ANO3: variants seen among roughly 807,000 people sequenced by gnomAD.
The protein encoded by ANO3 is anoctamin 3.
A neutral mutation model predicts 144.8 loss-of-function variants in ANO3; 99 were observed. The observed-to-expected ratio is 0.68, with a 90% CI of 0.58 to 0.81. The LOEUF is 0.81. Ranked by LOEUF, ANO3 falls within the 30% of genes least tolerant of loss-of-function variation. ANO3 has a pLI of 0.00. For missense variants in ANO3, 905 were observed against 1,202.2 expected, an observed-to-expected ratio of 0.75 and a Z score of 3.66; for synonymous variants, 414 against 392.6, an observed-to-expected ratio of 1.05 and a Z score of -0.64.
intron 1 of ANO3, among the ~76,000 whole-genome samples, chr11:26,386,495 A>T (rs1193627231): frequency 6.6e-6 from 1 of 152,170 alleles, no homozygotes; most frequent in Non-Finnish European, 1.5e-5. Context: ...ACCAAATGAA[A>T]AGATGGTGGT....
At chr11:26,363,418 G>A (rs1258371998) in intron 1 of ANO3, among the ~76,000 whole-genome samples, 1 of 152,034 alleles carries the variant, frequency 6.6e-6, no homozygotes, top group African/African-American at 2.4e-5. Flanking sequence ...TGGTTTCTCT[G>A]GGGGCCTCTC....
chr11:26,260,441 T>C (rs552677845), intron 1 of ANO3, among the ~76,000 whole-genome samples: 2 of 152,306 alleles, frequency 1.3e-5, no homozygotes, highest in African/African-American at 4.8e-5. Flanking sequence ...AAGTATTAGA[T>C]CACTTGACTA....
At chr11:26,595,467 T>G (rs1049987101) in intron 14 of ANO3, among the ~76,000 whole-genome samples, 5 of 144,344 alleles carry the variant, frequency 3.5e-5, no homozygotes, top group East Asian at 2.0e-4. Flanking sequence ...GTTGTTTTTT[T>G]TTTTTTTTTT....
rs1161758979 is a variant in ANO3, at chr11:26,598,867, C to T, written c.1540C>T (p.Arg514Cys). 8 of 1,612,660 alleles carry T rather than the reference C, an allele frequency of 5.0e-6. No individual in the cohort carries two copies. The highest frequency in any genetic ancestry group is 1.3e-5 in the African/African-American group (1 of 74,844). ...IEWEEEEETL[R>C]PQFEAKYYKM... is the part of the protein sequence containing the mutation. ...TTCGTTTCTCTCATAGGAAACACTT[C>T]GTCCCCAGTTTGAAGCCAAGTATTA... is the stretch of plus-strand genomic sequence containing the variant. The change falls in exon 16 of 27, where the codon CGT (arginine) becomes TGT (cysteine). Residue 514 changes from arginine to cysteine, a missense_variant. By Grantham distance (180) the Arg-to-Cys change is radical. Transcript: ENST00000256737.
At chr11:26,277,580 AT>A (rs1048588118) in intron 1 of ANO3, among the ~76,000 whole-genome samples, 15 of 152,142 alleles carry the variant, frequency 9.9e-5, no homozygotes, top group African/African-American at 3.4e-4. Flanking sequence ...TTCTAGCCAA[AT>A]TGAACTGCGC....
At chr11:26,457,050 G>A (rs1859189525) in intron 3 of ANO3, among the ~76,000 whole-genome samples, 1 of 136,236 alleles carries the variant, frequency 7.3e-6, no homozygotes, top group Non-Finnish European at 1.5e-5. Context: ...ACAGGAAGGG[G>A]AACATCACAC....
chr11:26,303,025 T>TA (rs1412925005), intron 1 of ANO3, among the ~76,000 whole-genome samples: 1 of 152,106 alleles, frequency 6.6e-6, no homozygotes, highest in Non-Finnish European at 1.5e-5. Context: ...TGGTTATAAT[T>TA]AAAAAGTAAA....
chr11:26,628,041 C>T (rs1474887907), intron 18 of ANO3, among the ~76,000 whole-genome samples: 2 of 151,926 alleles, frequency 1.3e-5, no homozygotes, highest in Non-Finnish European at 2.9e-5. Flanking sequence ...AGAGATAAAG[C>T]TTAAATTCTA....
At chr11:26,531,669 C>T (rs1037481091) in intron 8 of ANO3, among the ~76,000 whole-genome samples, 2 of 151,828 alleles carry the variant, frequency 1.3e-5, no homozygotes. Flanking sequence ...TGTTAATTAG[C>T]ATGTTTGAGT....
intron 1 of ANO3, among the ~76,000 whole-genome samples, chr11:26,413,089 G>C (rs1005703005): frequency 1.3e-5 from 2 of 151,866 alleles, no homozygotes; most frequent in African/African-American, 4.8e-5. Context: ...GGAATGGCAA[G>C]AATATTCTTA....
intron 17 of ANO3, among the ~76,000 whole-genome samples, chr11:26,611,263 C>G (rs140358901): frequency 6.6e-6 from 1 of 152,110 alleles, no homozygotes; most frequent in African/African-American, 2.4e-5. Flanking sequence ...ATAAACTTCT[C>G]TCTTAGAACT....
At chr11:26,392,570 A>T (rs2133964182) in intron 1 of ANO3, among the ~76,000 whole-genome samples, 1 of 152,170 alleles carries the variant, frequency 6.6e-6, no homozygotes, top group African/African-American at 2.4e-5. Flanking sequence ...ATAGTTGGAA[A>T]AGAATAGACA....
At position 26,458,812 on chromosome 11, in the gene ANO3, CATTT is replaced by C. The variant is rs564594967; in HGVS notation, c.314-4215_314-4212del. ...TACAGTTAGGAGGAGATAGATATAACATTTATACATATAAATGTATACATTCAAT... is the reference window on the plus strand; with the variant it reads ...TACAGTTAGGAGGAGATAGATATAACATACATATAAATGTATACATTCAAT... On this transcript the variant is annotated intron_variant, in intron 3 of 26. Coordinates refer to ENST00000256737, the MANE Select transcript of ANO3 (RefSeq NM_031418.4). 1.0e-3 allele frequency among the ~76,000 whole-genome samples: 154 copies of C among 152,148 alleles called. 1 individual carries two copies. In the South Asian group the frequency reaches 0.031, roughly 31 times the overall value.
intron 1 of ANO3, among the ~76,000 whole-genome samples, chr11:26,424,823 T>C (rs1019281404): frequency 6.6e-6 from 1 of 152,024 alleles, no homozygotes; most frequent in African/African-American, 2.4e-5. Flanking sequence ...GGGAACTGTA[T>C]GGTGTTTTAG....
intron 17 of ANO3, among the ~76,000 whole-genome samples, chr11:26,603,776 AT>A (rs1304832243): frequency 6.6e-6 from 1 of 152,134 alleles, no homozygotes; most frequent in African/African-American, 2.4e-5. Flanking sequence ...TTTAGTATAA[AT>A]TTTGCTTATA....
At chr11:26,226,566 T>C (rs759439119) in intron 1 of ANO3, among the ~76,000 whole-genome samples, 1 of 152,128 alleles carries the variant, frequency 6.6e-6, no homozygotes, top group Non-Finnish European at 1.5e-5. Flanking sequence ...TCATAGTATA[T>C]GACAATTTTA....
chr11:26,364,590 G>C (rs1444201144), intron 1 of ANO3, among the ~76,000 whole-genome samples: 1 of 152,152 alleles, frequency 6.6e-6, no homozygotes, highest in Non-Finnish European at 1.5e-5. Flanking sequence ...AAGGCAAAGG[G>C]GGATAGTCTC....
intron 4 of ANO3, among the ~76,000 whole-genome samples, chr11:26,504,393 C>T (rs971939006): frequency 1.3e-5 from 2 of 152,032 alleles, no homozygotes; most frequent in Admixed American, 6.6e-5. Flanking sequence ...TTTATTGATG[C>T]CTACAATGTG....
chr11:26,399,057 G>T (rs1857085157), intron 1 of ANO3, among the ~76,000 whole-genome samples: 1 of 151,774 alleles, frequency 6.6e-6, no homozygotes, highest in Non-Finnish European at 1.5e-5. Flanking sequence ...CTTCAGCTTG[G>T]AATTTCACTC....
Sources: gnomAD v4.1 joint callset for allele counts (sites outside exome capture counted in the v4.1 genomes callset) on GRCh38, gnomAD v4.1.1 for gene constraint, MANE v1.5 for transcripts, NCBI Gene and HGNC (gene_info 2026-07-23, HGNC 2026-07-21) for gene names.